LSAMP: variants seen among roughly 807,000 people sequenced by gnomAD.
The protein encoded by LSAMP is limbic system-associated membrane protein.
Under a neutral mutation model 38.6 loss-of-function variants are expected in LSAMP, and 7 were observed. The observed-to-expected ratio is 0.18, with a 90% CI of 0.10 to 0.34. The LOEUF (loss-of-function observed/expected upper bound fraction) is 0.34, where lower values mean the gene tolerates loss of function less well. Among genes scored for constraint, LSAMP ranks in the 10% least tolerant of loss-of-function variants. The pLI is 1.00. For synonymous variants in LSAMP, 154 were observed against 166.8 expected, an observed-to-expected ratio of 0.92 and a Z score of 0.59; for missense variants, 313 against 420.0, an observed-to-expected ratio of 0.75 and a Z score of 2.23.
chr3:116,140,857 C>T (rs1472816480), intron 1 of LSAMP, among the ~76,000 whole-genome samples: 1 of 151,720 alleles, frequency 6.6e-6, no homozygotes, highest in Non-Finnish European at 1.5e-5. Context: ...TTTAAACCAA[C>T]CCAAAGGAAA....
At chr3:115,902,479 A>G (rs1936900738) in intron 3 of LSAMP, among the ~76,000 whole-genome samples, 1 of 149,048 alleles carries the variant, frequency 6.7e-6, no homozygotes, top group African/African-American at 2.5e-5. Context: ...AATTGCAGCA[A>G]AAGCAAAAGT....
intron 3 of LSAMP, among the ~76,000 whole-genome samples, chr3:115,896,520 G>A (rs1936732966): frequency 6.6e-6 from 1 of 152,070 alleles, no homozygotes; most frequent in African/African-American, 2.4e-5. Context: ...CAAGGCAGGT[G>A]ATTCTGGATC....
At chr3:116,317,459 C>T (rs1281238296) in intron 1 of LSAMP, among the ~76,000 whole-genome samples, 1 of 151,920 alleles carries the variant, frequency 6.6e-6, no homozygotes, top group Non-Finnish European at 1.5e-5. Flanking sequence ...GGGTTCACGC[C>T]ATTCTCCTGC....
At chr3:116,266,792 ATATATGATTAGTC>A (rs2046897567) in intron 1 of LSAMP, among the ~76,000 whole-genome samples, 1 of 152,210 alleles carries the variant, frequency 6.6e-6, no homozygotes, top group African/African-American at 2.4e-5. Flanking sequence ...GTTATATAAT[ATATATGATTAGTC>A]TGTGAGAAAA....
intron 6 of LSAMP, among the ~76,000 whole-genome samples, chr3:115,822,734 TA>T (rs1270372684): frequency 6.6e-6 from 1 of 152,182 alleles, no homozygotes; most frequent in Non-Finnish European, 1.5e-5. Context: ...CTGAGAAAAC[TA>T]AGCAATCTTA....
chr3:116,223,344 A>C (rs953962939), intron 1 of LSAMP, among the ~76,000 whole-genome samples: 38 of 152,228 alleles, frequency 2.5e-4, no homozygotes, highest in Admixed American at 2.5e-3. Flanking sequence ...GAGCACTTAC[A>C]CTATACCAGG....
intron 3 of LSAMP, among the ~76,000 whole-genome samples, chr3:115,940,542 G>A (rs1937884353): frequency 6.6e-6 from 1 of 152,156 alleles, no homozygotes; most frequent in Admixed American, 6.6e-5. Flanking sequence ...CTCAGTTTCA[G>A]ATATTACGTT....
intron 6 of LSAMP, among the ~76,000 whole-genome samples, chr3:115,824,709 TAA>T (rs79375900): frequency 4.3e-4 from 55 of 128,460 alleles, no homozygotes; most frequent in Non-Finnish European, 4.2e-4. Context: ...GACTCCGTCT[TAA>T]AAAAAAAAAA....
intron 3 of LSAMP, among the ~76,000 whole-genome samples, chr3:115,909,085 C>A (rs1937078362): frequency 6.6e-6 from 1 of 152,218 alleles, no homozygotes; most frequent in Non-Finnish European, 1.5e-5. Flanking sequence ...ACTGCCTTCC[C>A]TGTCCTAATG....
At chr3:116,135,853 A>G (rs1709236124) in intron 1 of LSAMP, among the ~76,000 whole-genome samples, 1 of 152,186 alleles carries the variant, frequency 6.6e-6, no homozygotes. Flanking sequence ...CTTGTTCCAC[A>G]GGCTCAGGCA....
At chr3:115,969,185 TCA>T (rs201993394) in intron 3 of LSAMP, among the ~76,000 whole-genome samples, 8 of 151,764 alleles carry the variant, frequency 5.3e-5, no homozygotes, top group Non-Finnish European at 8.8e-5. Context: ...AAAGGTGCTT[TCA>T]TGTGTGGATA....
chr3:116,391,406 C>T (rs1285344364), intron 1 of LSAMP, among the ~76,000 whole-genome samples: 1 of 152,200 alleles, frequency 6.6e-6, no homozygotes, highest in Non-Finnish European at 1.5e-5. Context: ...AGACCCTGGC[C>T]CTGCATCGCC....
Position 115,810,299 on chromosome 3 carries a change from T to G in LSAMP, c.*18A>C. 6.5e-7 allele frequency: 1 copy of G among 1,535,524 alleles called. No individual in the cohort carries two copies. The highest frequency in any genetic ancestry group is 8.9e-7 in the Non-Finnish European group (1 of 1,128,890). On this transcript the variant is annotated 3_prime_UTR_variant, in exon 7 of 7. Coordinates refer to ENST00000490035, the MANE Select transcript of LSAMP (RefSeq NM_002338.5). ...CATTTTTGTGTGTTTTTTAAATTAT[T>G]TTTAAATTTTTATTCTATTAACATT...
At chr3:116,106,381 C>A (rs1268498759) in intron 1 of LSAMP, among the ~76,000 whole-genome samples, 1 of 152,010 alleles carries the variant, frequency 6.6e-6, no homozygotes, top group Non-Finnish European at 1.5e-5. Context: ...TTTGGGGGTA[C>A]AGTCTAAGTT....
At chr3:116,156,018 A>G (rs1298440595) in intron 1 of LSAMP, among the ~76,000 whole-genome samples, 1 of 152,172 alleles carries the variant, frequency 6.6e-6, no homozygotes, top group Admixed American at 6.6e-5. Flanking sequence ...TGTGATGGAT[A>G]ACATATGAAG....
intron 1 of LSAMP, among the ~76,000 whole-genome samples, chr3:116,249,140 C>A (rs575447592): frequency 1.1e-5 from 1 of 91,494 alleles, no homozygotes. Context: ...CAGAGCGAGA[C>A]TCTGTCTCAA....
Position 115,953,039 on chromosome 3 carries a change from A to G in LSAMP, c.514+66476T>C, listed in dbSNP as rs540005006. ...GCTCAAAGTCATGAGAGATAGTGGT[A>G]GAACTGAGGCTTGAACATTTTTCAG... is the stretch of plus-strand genomic sequence containing the variant. On this transcript the variant is annotated intron_variant, in intron 3 of 6. Transcript: ENST00000490035. 9.2e-5 allele frequency among the ~76,000 whole-genome samples: 14 copies of G among 152,288 alleles called. No individual in the cohort carries two copies. In the East Asian group the frequency reaches 2.3e-3, roughly 25 times the overall value.
intron 1 of LSAMP, among the ~76,000 whole-genome samples, chr3:116,414,610 G>T (rs1363752580): frequency 6.6e-6 from 1 of 152,044 alleles, no homozygotes; most frequent in Non-Finnish European, 1.5e-5. Flanking sequence ...TCACACAAAA[G>T]CCTGACTAGA....
At chr3:116,289,864 A>G (rs1420524755) in intron 1 of LSAMP, among the ~76,000 whole-genome samples, 1 of 152,252 alleles carries the variant, frequency 6.6e-6, no homozygotes, top group Non-Finnish European at 1.5e-5. Context: ...AAGAGGATTT[A>G]TTGTAAAGAC....
Sources: gnomAD v4.1 joint callset for allele counts (sites outside exome capture counted in the v4.1 genomes callset) on GRCh38, gnomAD v4.1.1 for gene constraint, MANE v1.5 for transcripts, NCBI Gene and HGNC (gene_info 2026-07-23, HGNC 2026-07-21) for gene names.